Variants in FLRT2 observed in about 807,000 individuals in gnomAD.
The protein encoded by FLRT2 is leucine-rich repeat transmembrane protein FLRT2.
Under a neutral mutation model 40.0 loss-of-function variants are expected in FLRT2, and 15 were observed. That is an observed-to-expected ratio of 0.38 (90% CI 0.25 to 0.58). The LOEUF is 0.58. Ranked by LOEUF, FLRT2 falls within the 20% of genes least tolerant of loss-of-function variation. FLRT2 has a pLI of 0.71. For missense variants in FLRT2, 726 were observed against 840.0 expected, an observed-to-expected ratio of 0.86 and a Z score of 1.68; for synonymous variants, 380 against 336.8, an observed-to-expected ratio of 1.13 and a Z score of -1.41.
At chr14:85,615,414 A>G (rs1174510195) in intron 1 of FLRT2, among the ~76,000 whole-genome samples, 2 of 152,106 alleles carry the variant, frequency 1.3e-5, no homozygotes, top group Non-Finnish European at 2.9e-5. Flanking sequence ...AATGTTTTCA[A>G]TTTTAGACTG....
At chr14:85,584,387 C>T (rs1432978908) in intron 1 of FLRT2, among the ~76,000 whole-genome samples, 2 of 152,108 alleles carry the variant, frequency 1.3e-5, no homozygotes, top group Non-Finnish European at 2.9e-5. Context: ...AATGTGATGG[C>T]CAATCAAAGC....
chr14:85,561,640 C>G (rs1890327118), intron 1 of FLRT2, among the ~76,000 whole-genome samples: 1 of 152,204 alleles, frequency 6.6e-6, no homozygotes, highest in African/African-American at 2.4e-5. Context: ...TGGAAATTCT[C>G]CCTCCGTTAT....
chr14:85,584,486 G>C (rs1426093165), intron 1 of FLRT2, among the ~76,000 whole-genome samples: 1 of 152,178 alleles, frequency 6.6e-6, no homozygotes, highest in African/African-American at 2.4e-5. Context: ...GCTCAATACA[G>C]TCAGATTTTG....
intron 1 of FLRT2, among the ~76,000 whole-genome samples, chr14:85,556,931 G>A (rs150048543): frequency 0.022 from 3,275 of 152,270 alleles, 126 homozygotes; most frequent in African/African-American, 0.073. Flanking sequence ...GAATCATGGC[G>A]GGAGGCAAAA....
rs1278032577 is a variant in FLRT2, at chr14:85,644,390, A to G, written c.*20893A>G. ...CATTAACACGCCCCATGGAGATATC[A>G]TGAATTACTCTCAGGCCCTTGATTA... On this transcript the variant is annotated 3_prime_UTR_variant, in exon 2 of 2. Coordinates refer to ENST00000330753, the MANE Select transcript of FLRT2 (RefSeq NM_013231.6). 5 of 152,202 alleles carry G rather than the reference A, an allele frequency of 3.3e-5. No homozygotes were observed. Among genetic ancestry groups the G allele is most frequent in the African/African-American group, 1.2e-4 (5 of 41,452 alleles). 9.4% of individuals were successfully genotyped at this position (152,202 alleles called of 1,614,324 possible).
rs1004914795 is a variant in FLRT2 at position 85,646,253 on chromosome 14, G to A, written c.*22756G>A. 3 of 152,186 alleles carry A rather than the reference G, an allele frequency of 2.0e-5. No homozygotes were observed. Among genetic ancestry groups the A allele is most frequent in the Admixed American group, 6.5e-5 (1 of 15,280 alleles). The allele number at this position is 152,186 out of a possible 1,614,324, so 9.4% of individuals were successfully genotyped here. A position where few individuals can be genotyped will look rare whatever the true frequency, so the allele number is the denominator to read the frequency against. Reference sequence around the variant, plus strand: ...GTTAGAGTGTCACTTGGATGAAGCTGTAATTGGAAGTTGAGGACACTGTCA... The same window carrying A: ...GTTAGAGTGTCACTTGGATGAAGCTATAATTGGAAGTTGAGGACACTGTCA... On this transcript the variant is annotated 3_prime_UTR_variant, in exon 2 of 2. Coordinates refer to ENST00000330753, the MANE Select transcript of FLRT2 (RefSeq NM_013231.6).
intron 1 of FLRT2, among the ~76,000 whole-genome samples, chr14:85,578,215 CGTATATATATTTATATATTTTTTAT>C (rs1566737088): frequency 7.0e-6 from 1 of 142,182 alleles, no homozygotes; most frequent in African/African-American, 2.6e-5. Flanking sequence ...TATAAATATA[CGTATATATATTTATATATTTTTTAT>C]GTATATATAT....
At chr14:85,592,789 CAAAAAAAAAAAA>C (rs34002874) in intron 1 of FLRT2, among the ~76,000 whole-genome samples, 3 of 90,718 alleles carry the variant, frequency 3.3e-5, no homozygotes, top group African/African-American at 1.4e-4. Context: ...AACTCCGTCT[CAAAAAAAAAAAA>C]AAAAAAGAAA....
At chr14:85,551,763 G>C (rs2139826343) in intron 1 of FLRT2, 1 of 152,324 alleles carries the variant, frequency 6.6e-6, no homozygotes, top group East Asian at 1.9e-4. Context: ...AGGTAGCCAT[G>C]TGGTGAGAAA....
chr14:85,588,177 C>T (rs1891716478), intron 1 of FLRT2, among the ~76,000 whole-genome samples: 1 of 152,194 alleles, frequency 6.6e-6, no homozygotes, highest in African/African-American at 2.4e-5. Flanking sequence ...CTATTATACA[C>T]TTAAAATTAG....
intron 1 of FLRT2, among the ~76,000 whole-genome samples, chr14:85,619,738 G>A (rs1345247396): frequency 6.6e-6 from 1 of 152,154 alleles, no homozygotes; most frequent in African/African-American, 2.4e-5. Flanking sequence ...GCCATGTCCT[G>A]TCATGTTAGC....
intron 1 of FLRT2, among the ~76,000 whole-genome samples, chr14:85,533,808 T>C (rs1419121297): frequency 1.3e-5 from 2 of 151,472 alleles, no homozygotes; most frequent in Admixed American, 6.6e-5. Context: ...CGCGCGCCGC[T>C]CTGAGGCTCC....
At chr14:85,596,467 A>G (rs1359904979) in intron 1 of FLRT2, among the ~76,000 whole-genome samples, 1 of 152,192 alleles carries the variant, frequency 6.6e-6, no homozygotes, top group Non-Finnish European at 1.5e-5. Flanking sequence ...ACCAAAACAG[A>G]GATTAGACAC....
chr14:85,569,943 A>G (rs1249202582), intron 1 of FLRT2, among the ~76,000 whole-genome samples: 3 of 152,198 alleles, frequency 2.0e-5, no homozygotes, highest in Non-Finnish European at 4.4e-5. Context: ...AGATGTTGGT[A>G]TGGCCATTTT....
At position 85,628,761 on chromosome 14, in the gene FLRT2, T is replaced by C. The variant is rs1199100253; in HGVS notation, c.*5264T>C. 3 of 152,210 alleles carry C rather than the reference T, an allele frequency of 2.0e-5. No individual in the cohort carries two copies. The highest frequency in any genetic ancestry group is 2.9e-5 in the Non-Finnish European group (2 of 68,034). 9.4% of individuals were successfully genotyped at this position (152,210 alleles called of 1,614,324 possible). On this transcript the variant is annotated 3_prime_UTR_variant, in exon 2 of 2. Transcript: ENST00000330753. ...AAAGACAGTGCTAACAAGTAATTCA[T>C]ATTACTTTTGGGGATTTTATGTAAA...
intron 1 of FLRT2, among the ~76,000 whole-genome samples, chr14:85,550,496 G>A (rs557396913): frequency 6.6e-6 from 1 of 152,298 alleles, no homozygotes; most frequent in Non-Finnish European, 1.5e-5. Context: ...GATAACTAAT[G>A]TAATTACAAT....
At chr14:85,545,767 C>T (rs1041760219) in intron 1 of FLRT2, among the ~76,000 whole-genome samples, 20 of 152,168 alleles carry the variant, frequency 1.3e-4, no homozygotes, top group African/African-American at 4.8e-4. Context: ...TGATTAGGGG[C>T]TATATTTATT....
chr14:85,534,097 G>C (rs1012630292), intron 1 of FLRT2, among the ~76,000 whole-genome samples: 8 of 152,186 alleles, frequency 5.3e-5, no homozygotes, highest in Non-Finnish European at 1.0e-4. Context: ...AAGTAAGAGG[G>C]AGGCGAAGTT....
At chr14:85,615,562 G>T (rs533763678) in intron 1 of FLRT2, among the ~76,000 whole-genome samples, 1 of 151,892 alleles carries the variant, frequency 6.6e-6, no homozygotes, top group Admixed American at 6.6e-5. Context: ...TCTGCCTAAT[G>T]ATCAACTTCC....
Sources: allele counts gnomAD v4.1 joint callset (sites outside exome capture counted in the v4.1 genomes callset), GRCh38; gene constraint gnomAD v4.1.1; transcripts MANE v1.5; gene names NCBI Gene and HGNC (gene_info 2026-07-23, HGNC 2026-07-21).